The following ZNF346 variants were observed in gnomAD, a reference collection of about 807,000 sequenced individuals.
ZNF346 encodes the protein zinc finger protein 346.
In ZNF346, 23 loss-of-function variants were observed where a neutral mutation model predicts 33.7. The observed-to-expected ratio is 0.68, with a 90% confidence interval of 0.49 to 0.97. The LOEUF (loss-of-function observed/expected upper bound fraction) is 0.97. Ranked by LOEUF, ZNF346 falls within the 50% of genes least tolerant of loss-of-function variation. The probability of loss-of-function intolerance (pLI) is 0.00; values close to 1 mark genes in which losing one functional copy is unlikely to be tolerated. For missense variants in ZNF346, 340 were observed against 371.1 expected (o/e 0.92, Z 0.69); for synonymous variants, 134 against 142.4 (o/e 0.94, Z 0.42).
At chr5:177,068,214 G>A (rs780140531), downstream of ZNF346, among the ~76,000 whole-genome samples, 5 of 143,514 alleles carry the variant, frequency 3.5e-5, no homozygotes, top group Admixed American at 6.7e-5. Flanking sequence ...AAACAGATGA[G>A]ACAAGGCTCA....
chr5:177,064,381 C>T lies in ZNF346; in HGVS notation c.798-131C>T. The T allele has an allele frequency of 4.5e-6, 3 of 667,364 alleles. No individual in the cohort carries two copies. In the South Asian group the frequency reaches 5.9e-5, roughly 13 times the overall value. The allele number at this position is 667,364 out of a possible 1,614,324, so 41.3% of individuals were successfully genotyped here. A position where few individuals can be genotyped will look rare whatever the true frequency, so the allele number is the denominator to read the frequency against. On this transcript the variant is annotated intron_variant, in intron 6 of 6. Coordinates refer to ENST00000358149, the MANE Select transcript of ZNF346 (RefSeq NM_012279.4). ...AAGCATCCAGCATTCTGCCAGCCCA[C>T]AGTGGACCTCAGTGAAGGAAAGGTG...
intron 1 of ZNF346, chr5:177,023,178 C>G: frequency 1.3e-6 from 2 of 1,536,448 alleles, no homozygotes; most frequent in Non-Finnish European, 1.7e-6. Flanking sequence ...TTCCCACATT[C>G]GAGGACTGTC....
intron 8 of ZNF346, among the ~76,000 whole-genome samples, chr5:177,074,030 C>T (rs1424336365): frequency 1.3e-5 from 2 of 152,098 alleles, no homozygotes; most frequent in Non-Finnish European, 2.9e-5. Flanking sequence ...AGCCAACAGC[C>T]AGCTCCATAC....
intron 5 of ZNF346, among the ~76,000 whole-genome samples, chr5:177,054,593 G>C (rs1355414579): frequency 2.0e-5 from 3 of 150,538 alleles, no homozygotes; most frequent in African/African-American, 7.4e-5. Flanking sequence ...TAGAGACAGG[G>C]TTTCACCATG....
At chr5:177,058,952 C>T (rs894293174) in intron 5 of ZNF346, among the ~76,000 whole-genome samples, 1 of 152,218 alleles carries the variant, frequency 6.6e-6, no homozygotes, top group Non-Finnish European at 1.5e-5. Flanking sequence ...CTAGGCTGGT[C>T]TGGAACTCCT....
intron 3 of ZNF346, among the ~76,000 whole-genome samples, chr5:177,044,056 T>G (rs10055142): frequency 0.13 from 19,681 of 152,036 alleles, 2,975 homozygotes; most frequent in African/African-American, 0.37. Flanking sequence ...AATGATGTTT[T>G]TTTTTTTTTG....
chr5:177,073,637 G>T (rs1447184880), intron 8 of ZNF346, among the ~76,000 whole-genome samples: 1 of 152,134 alleles, frequency 6.6e-6, no homozygotes, highest in African/African-American at 2.4e-5. Flanking sequence ...ATCCTCTAGT[G>T]GTCATGAAGG....
intron 5 of ZNF346, among the ~76,000 whole-genome samples, chr5:177,055,227 T>C (rs1435173493): frequency 6.6e-6 from 1 of 151,250 alleles, no homozygotes; most frequent in Non-Finnish European, 1.5e-5. Context: ...AGAGACGGAG[T>C]TTCATCATGT....
chr5:177,040,435 C>G (rs993127497), intron 1 of ZNF346, among the ~76,000 whole-genome samples: 2 of 152,134 alleles, frequency 1.3e-5, no homozygotes, highest in African/African-American at 4.8e-5. Flanking sequence ...ACCTCTGCCT[C>G]CTGGGTTCAA....
At chr5:177,045,647 C>T (rs1779930984) in intron 4 of ZNF346, among the ~76,000 whole-genome samples, 1 of 152,050 alleles carries the variant, frequency 6.6e-6, no homozygotes, top group Non-Finnish European at 1.5e-5. Context: ...TAAGCCACCA[C>T]GCCGGCCAAA....
Position 177,041,874 on chromosome 5 carries a change from A to G in ZNF346, c.372+4A>G, listed in dbSNP as rs760975640. Reference sequence around the variant, plus strand: ...GAAGAAGCTAGACTCAGATCAGGTAATACAGCTGCCATATTGAGCCCACTT... The same window carrying G: ...GAAGAAGCTAGACTCAGATCAGGTAGTACAGCTGCCATATTGAGCCCACTT... On this transcript the variant is annotated splice_donor_region_variant and intron_variant, in intron 3 of 6. Transcript: ENST00000358149. 4 of 1,601,394 alleles carry G rather than the reference A, an allele frequency of 2.5e-6. No individual in the cohort carries two copies. The highest frequency in any genetic ancestry group is 1.1e-5 in the South Asian group (1 of 90,630).
chr5:177,023,261 A>G, intron 1 of ZNF346: 2 of 1,442,088 alleles, frequency 1.4e-6, no homozygotes, highest in Non-Finnish European at 1.9e-6. Context: ...GCCCCTCACC[A>G]CTCCTTGACT....
chr5:177,038,937 G>A (rs1003532858), intron 1 of ZNF346, among the ~76,000 whole-genome samples: 1 of 146,622 alleles, frequency 6.8e-6, no homozygotes, highest in Non-Finnish European at 1.5e-5. Context: ...TGTTGCTCAG[G>A]CTGGAGTGCA....
chr5:177,043,007 A>G (rs1489768062), intron 3 of ZNF346, among the ~76,000 whole-genome samples: 1 of 152,150 alleles, frequency 6.6e-6, no homozygotes, highest in Admixed American at 6.6e-5. Flanking sequence ...ACGCGCCACC[A>G]CACCCAGCTA....
intron 1 of ZNF346, among the ~76,000 whole-genome samples, chr5:177,040,259 G>A (rs913704692): frequency 2.0e-5 from 3 of 151,704 alleles, no homozygotes; most frequent in Non-Finnish European, 2.9e-5. Flanking sequence ...AAAAAGGTAA[G>A]ACTGTTCTCC....
intron 1 of ZNF346, among the ~76,000 whole-genome samples, chr5:177,031,198 C>T (rs1169613552): frequency 1.3e-5 from 2 of 152,040 alleles, no homozygotes; most frequent in African/African-American, 4.8e-5. Context: ...CCACAGCCAG[C>T]TAATTTTGTA....
downstream of ZNF346, among the ~76,000 whole-genome samples, chr5:177,070,010 CATAA>C (rs1433059760): frequency 6.6e-6 from 1 of 152,164 alleles, no homozygotes; most frequent in Non-Finnish European, 1.5e-5. Flanking sequence ...TTGGGGGTAT[CATAA>C]ATAAAACTGC....
At chr5:177,074,510 T>TA (rs1783651923) in intron 8 of ZNF346, among the ~76,000 whole-genome samples, 1 of 152,186 alleles carries the variant, frequency 6.6e-6, no homozygotes, top group Admixed American at 6.5e-5. Context: ...CACCAGGACT[T>TA]ACAGTCATGC....
intron 5 of ZNF346, among the ~76,000 whole-genome samples, chr5:177,061,613 G>A (rs1262861799): frequency 3.3e-5 from 5 of 152,194 alleles, no homozygotes. Flanking sequence ...GTGATTCCCA[G>A]GGTAGAAAGA....
Sources: allele counts gnomAD v4.1 joint callset (sites outside exome capture counted in the v4.1 genomes callset), GRCh38; gene constraint gnomAD v4.1.1; transcripts MANE v1.5; gene names NCBI Gene and HGNC (gene_info 2026-07-23, HGNC 2026-07-21).